EPS8: variants seen among roughly 807,000 people sequenced by gnomAD.
EPS8 encodes EGFR pathway substrate 8, signaling adaptor.
A neutral mutation model predicts 103.8 loss-of-function variants in EPS8; 42 were observed. That is an observed-to-expected ratio of 0.40 (90% CI 0.32 to 0.52). The LOEUF (loss-of-function observed/expected upper bound fraction) is 0.52, where lower values mean the gene tolerates loss of function less well. EPS8 is among the 20% of genes least tolerant of loss of function. The probability of loss-of-function intolerance (pLI) is 0.40; values close to 1 mark genes in which losing one functional copy is unlikely to be tolerated. For synonymous variants in EPS8, 344 were observed against 344.6 expected (o/e 1.00, Z 0.02); for missense variants, 969 against 1,005.1 (o/e 0.96, Z 0.49).
At chr12:15,774,366 T>C (rs189522462) in intron 1 of EPS8, among the ~76,000 whole-genome samples, 36 of 137,130 alleles carry the variant, frequency 2.6e-4, no homozygotes, top group African/African-American at 9.4e-4. Context: ...TAGTGTTATT[T>C]AAGCAAACAG....
intron 12 of EPS8, among the ~76,000 whole-genome samples, chr12:15,657,654 G>A (rs1945531383): frequency 6.6e-6 from 1 of 152,108 alleles, no homozygotes; most frequent in African/African-American, 2.4e-5. Context: ...AAGAGATGAA[G>A]GAACACCTCG....
rs1167593056 is a variant in EPS8 at position 15,684,407 on chromosome 12, C to T, written c.-21-1435G>A. On this transcript the variant is annotated intron_variant, in intron 1 of 20. Transcript: ENST00000281172. This position sits in a 1 kb window ranked among gnomAD's most constrained non-coding sequence, Gnocchi z 4.9. ...TTCCTTTACTTAAATTAATACCTGA[C>T]TCTTCACTAAACTCTTAGCCCCCAA... 4 of 152,110 alleles carry T rather than the reference C, an allele frequency of 2.6e-5. No homozygotes were observed. The highest frequency in any genetic ancestry group is 5.9e-5 in the Non-Finnish European group (4 of 68,022). 9.4% of individuals were successfully genotyped at this position (152,110 alleles called of 1,614,324 possible). A position where few individuals can be genotyped will look rare whatever the true frequency, so the allele number is the denominator to read the frequency against.
intron 1 of EPS8, among the ~76,000 whole-genome samples, chr12:15,742,572 T>C (rs1035113900): frequency 2.6e-5 from 4 of 152,204 alleles, no homozygotes; most frequent in African/African-American, 4.8e-5. Flanking sequence ...CACAATCAAG[T>C]TGGCTTCATC....
intron 15 of EPS8, among the ~76,000 whole-genome samples, chr12:15,644,555 G>A (rs948190629): frequency 3.3e-5 from 5 of 152,016 alleles, no homozygotes; most frequent in Non-Finnish European, 7.4e-5. Context: ...AAAATTAGCC[G>A]GGCATGGTGG....
At chr12:15,626,395 C>T (rs1591798064) in intron 18 of EPS8, among the ~76,000 whole-genome samples, 1 of 152,050 alleles carries the variant, frequency 6.6e-6, no homozygotes, top group East Asian at 1.9e-4. Context: ...CTTTGGGAGG[C>T]TGAGGCAGGC....
intron 19 of EPS8, among the ~76,000 whole-genome samples, chr12:15,623,905 A>G (rs966785044): frequency 1.3e-5 from 2 of 152,198 alleles, no homozygotes; most frequent in Non-Finnish European, 2.9e-5. Flanking sequence ...AGCTAAGACC[A>G]TGGTCCTACC....
intron 1 of EPS8, among the ~76,000 whole-genome samples, chr12:15,730,685 C>G (rs1946705330): frequency 6.6e-6 from 1 of 152,130 alleles, no homozygotes; most frequent in Non-Finnish European, 1.5e-5. Flanking sequence ...TTCCTGTTTT[C>G]CTTTTAAGAG....
intron 1 of EPS8, among the ~76,000 whole-genome samples, chr12:15,691,497 T>G (rs74063346): frequency 3.8e-3 from 576 of 152,276 alleles, no homozygotes; most frequent in African/African-American, 0.013. Flanking sequence ...AAAGACAGTA[T>G]GCAAGGCCTG....
chr12:15,667,425 A>C lies in EPS8; in HGVS notation c.517-903T>G, dbSNP rs192592721. Among the ~76,000 whole-genome samples, 87 of 152,326 alleles carry C rather than the reference A, an allele frequency of 5.7e-4. 2 individuals carry two copies. Among genetic ancestry groups the C allele is most frequent in the African/African-American group, 2.0e-3 (82 of 41,590 alleles). On this transcript the variant is annotated intron_variant, in intron 6 of 20. Coordinates refer to ENST00000281172, the MANE Select transcript of EPS8 (RefSeq NM_004447.6). ...ATGAGAGGCCAATGCATCCCAGTCC[A>C]GTGTGACTTCCTAAGAGCATTTAGT...
chr12:15,770,083 C>T (rs1758887881), intron 1 of EPS8, among the ~76,000 whole-genome samples: 2 of 151,768 alleles, frequency 1.3e-5, no homozygotes, highest in Admixed American at 6.6e-5. Flanking sequence ...GCTGGGACTA[C>T]AGGCACATGC....
In EPS8 at chr12:15,745,902, TG is replaced by T. The variant is rs1946870649; in HGVS notation, c.-22+43258del. On this transcript the variant is annotated intron_variant, in intron 1 of 20. Transcript: ENST00000281172. This position sits in a 1 kb window ranked among gnomAD's most constrained non-coding sequence, Gnocchi z 4.6. The stretch of plus-strand genomic sequence containing the variant: ...ACATTATTAAACTGAATTACTATCA[TG>T]ACAATAAATGCGATCATGCCATAAA... 6.6e-6 allele frequency among the ~76,000 whole-genome samples: 1 copy of T among 152,210 alleles called. No homozygotes were observed. Among genetic ancestry groups the T allele is most frequent in the Non-Finnish European group, 1.5e-5 (1 of 68,036 alleles).
intron 17 of EPS8, among the ~76,000 whole-genome samples, chr12:15,632,161 T>A (rs1207546728): frequency 2.6e-5 from 4 of 152,162 alleles, no homozygotes; most frequent in African/African-American, 7.2e-5. Context: ...AGGCATAACT[T>A]TTTCTGCCAT....
intron 1 of EPS8, among the ~76,000 whole-genome samples, chr12:15,711,371 C>T (rs1946461257): frequency 6.6e-6 from 1 of 152,112 alleles, no homozygotes; most frequent in African/African-American, 2.4e-5. Context: ...GACTAAGCAG[C>T]GTATCTCCTC....
intron 4 of EPS8, 38 bp from the exon 5 acceptor site, chr12:15,669,863 T>C: frequency 2.0e-6 from 3 of 1,473,714 alleles, no homozygotes; most frequent in South Asian, 1.3e-5. Context: ...TTATAACACA[T>C]ACAAACACAT....
intron 18 of EPS8, among the ~76,000 whole-genome samples, chr12:15,628,389 T>C (rs1163727128): frequency 6.6e-6 from 1 of 152,170 alleles, no homozygotes; most frequent in African/African-American, 2.4e-5. Flanking sequence ...GTTCCTGGGC[T>C]TTTGCTTTCC....
At chr12:15,658,724 T>G in intron 10 of EPS8, 139 bp from the exon 11 acceptor site, 1 of 640,770 alleles carries the variant, frequency 1.6e-6, no homozygotes, top group Non-Finnish European at 2.8e-6. Flanking sequence ...CTACATCTCA[T>G]AGTCTGACTG....
At chr12:15,754,928 T>C (rs1275102117) in intron 1 of EPS8, among the ~76,000 whole-genome samples, 1 of 152,204 alleles carries the variant, frequency 6.6e-6, no homozygotes, top group Admixed American at 6.5e-5. Flanking sequence ...TCTACTCCAC[T>C]TCTCCAAGGT....
At position 15,695,836 on chromosome 12, in the gene EPS8, A is replaced by G. The variant is rs1369452944; in HGVS notation, c.-21-12864T>C. Among the ~76,000 whole-genome samples, 2 of 152,334 alleles carry G rather than the reference A, an allele frequency of 1.3e-5. No homozygotes were observed. Among genetic ancestry groups the G allele is most frequent in the East Asian group, 1.9e-4 (1 of 5,186 alleles). Reference sequence around the variant, plus strand: ...CCAAAAATATAAAAATCAGCCAGACATGGTGGCAGGCACCTGTAATCCCAG... The same window carrying G: ...CCAAAAATATAAAAATCAGCCAGACGTGGTGGCAGGCACCTGTAATCCCAG... On this transcript the variant is annotated intron_variant, in intron 1 of 20. Coordinates refer to ENST00000281172, the MANE Select transcript of EPS8 (RefSeq NM_004447.6). The surrounding 1 kb of genome is among the most constrained non-coding windows in gnomAD (Gnocchi z 5.0).
In EPS8 at chr12:15,704,975, CAT is replaced by C. The variant is rs1946365419; in HGVS notation, c.-21-22005_-21-22004del. On this transcript the variant is annotated intron_variant, in intron 1 of 20. Transcript: ENST00000281172. This position sits in a 1 kb window ranked among gnomAD's most constrained non-coding sequence, Gnocchi z 4.6. ...GTATATACACACACACATACATATACATGTGTGTATATTTTTTAAAATTTGAA... is the reference window on the plus strand; with the variant it reads ...GTATATACACACACACATACATATACGTGTGTATATTTTTTAAAATTTGAA... 6.6e-6 allele frequency among the ~76,000 whole-genome samples: 1 copy of C among 152,106 alleles called. No homozygotes were observed. The highest frequency in any genetic ancestry group is 2.1e-4 in the South Asian group (1 of 4,826).
Sources: gnomAD v4.1 joint callset for allele counts (sites outside exome capture counted in the v4.1 genomes callset) on GRCh38, gnomAD v4.1.1 for gene constraint, Gnocchi (gnomAD v3.1) non-coding constraint, MANE v1.5 for transcripts, NCBI Gene and HGNC (gene_info 2026-07-23, HGNC 2026-07-21) for gene names.